Variants in ARHGAP5 observed in about 807,000 individuals in gnomAD.
ARHGAP5 encodes Rho GTPase activating protein 5.
ARHGAP5 carries 23 observed loss-of-function variants against 116.6 expected under a neutral mutation model. The observed-to-expected ratio is 0.20, with a 90% CI of 0.14 to 0.28. ARHGAP5 has a LOEUF of 0.28. Ranked by LOEUF, ARHGAP5 falls within the 10% of genes least tolerant of loss-of-function variation. The pLI is 1.00. For synonymous variants in ARHGAP5, 574 were observed against 602.0 expected (o/e 0.95, Z 0.68); for missense variants, 1,405 against 1,774.8 (o/e 0.79, Z 3.74).
At chr14:32,107,839 A>G (rs1246586050) in intron 2 of ARHGAP5, among the ~76,000 whole-genome samples, 1 of 152,240 alleles carries the variant, frequency 6.6e-6, no homozygotes, top group Non-Finnish European at 1.5e-5. Flanking sequence ...AAGAGTTATC[A>G]GGATGTATAA....
rs1878302099 is a variant in ARHGAP5, at chr14:32,092,427, A to G, written c.1758A>G (p.Leu586=). The change falls in exon 2 of 7, where the codon TTA becomes TTG. Residue 586 remains leucine, a synonymous_variant. Transcript: ENST00000345122. The surrounding 1 kb of genome is among the most constrained non-coding windows in gnomAD (Gnocchi z 4.1). ...AGTTGGATCATGGCCGCTTAAGATT[A>G]TATCACGATAGTACCAATATAGATA... ...LLQLDHGRLR[L]YHDSTNIDKV... The G allele has an allele frequency of 6.2e-7, 1 of 1,613,534 alleles. No individual in the cohort carries two copies. The highest frequency in any genetic ancestry group is 1.3e-5 in the African/African-American group (1 of 74,898).
chr14:32,093,270 A>C lies in ARHGAP5; in HGVS notation c.2601A>C (p.Arg867=). 1 of 1,613,682 alleles carries C rather than the reference A, an allele frequency of 6.2e-7. No individual in the cohort carries two copies. Among genetic ancestry groups the C allele is most frequent in the South Asian group, 1.1e-5 (1 of 90,970 alleles). Residue 867 remains arginine (R), a synonymous_variant, in exon 2 of 7, where the codon CGA becomes CGC. Transcript: ENST00000345122. ...GGAAAGCTTCGATGGGAATGCTTCG[A>C]GCATTTCTATCAGAAGTTCAAGACA... ...AKRKASMGML[R]AFLSEVQDTI... is the part of the protein sequence containing the mutation.
intron 2 of ARHGAP5, among the ~76,000 whole-genome samples, chr14:32,103,001 C>G (rs1878858526): frequency 6.6e-6 from 1 of 152,178 alleles, no homozygotes; most frequent in Non-Finnish European, 1.5e-5. Context: ...AGCCAGACTT[C>G]TGGTTCTTTC....
rs866413938 is a variant in ARHGAP5, at chr14:32,123,298, T to C, written c.3865+6011T>C. 1.8e-4 allele frequency among the ~76,000 whole-genome samples: 27 copies of C among 152,168 alleles called. No individual in the cohort carries two copies. The Middle Eastern group carries it at 0.01, about 58-fold the overall frequency. On this transcript the variant is annotated intron_variant, in intron 3 of 6. Coordinates refer to ENST00000345122, the MANE Select transcript of ARHGAP5 (RefSeq NM_001030055.2). ...GGGGCCATTATTTCTTGAAGTATTT[T>C]TATCTCTTCTTCCATTTCCCACTCC...
intron 3 of ARHGAP5, among the ~76,000 whole-genome samples, chr14:32,136,148 CAT>C (rs1292283825): frequency 6.6e-6 from 1 of 152,120 alleles, no homozygotes; most frequent in African/African-American, 2.4e-5. Context: ...ATTTATATAA[CAT>C]AAGGTTAACC....
chr14:32,114,735 G>T (rs1879468345), intron 2 of ARHGAP5, among the ~76,000 whole-genome samples: 1 of 152,092 alleles, frequency 6.6e-6, no homozygotes, highest in Non-Finnish European at 1.5e-5. Context: ...GAAATTGAAA[G>T]GATTTAATTA....
In ARHGAP5 at chr14:32,117,122, AAAT is replaced by A; in HGVS notation, c.3718-16_3718-14del. On this transcript the variant is annotated splice_polypyrimidine_tract_variant and intron_variant, in intron 2 of 6. Coordinates refer to ENST00000345122, the MANE Select transcript of ARHGAP5 (RefSeq NM_001030055.2). ...AAATTAATTTTAATAGTGTTAACTT[AAAT>A]ATGTTTTCTTATAGCAGAAAAAGAA... The A allele has an allele frequency of 2.6e-6, 4 of 1,567,012 alleles. No individual in the cohort carries two copies.
intron 2 of ARHGAP5, among the ~76,000 whole-genome samples, chr14:32,108,118 G>T (rs768966974): frequency 6.6e-6 from 1 of 152,154 alleles, no homozygotes; most frequent in Non-Finnish European, 1.5e-5. Context: ...GTATCTGGTC[G>T]TGACAAGCGG....
rs917422394 is a variant in ARHGAP5, at chr14:32,152,305, T to C, written c.4076-118T>C. 88 of 715,798 alleles carry C rather than the reference T, an allele frequency of 1.2e-4. 2 individuals are homozygous for C. The highest frequency in any genetic ancestry group is 2.1e-5 in the Non-Finnish European group (9 of 433,546). 44.3% of individuals were successfully genotyped at this position (715,798 alleles called of 1,614,324 possible). On this transcript the variant is annotated intron_variant, in intron 5 of 6. Transcript: ENST00000345122. Reference sequence around the variant, plus strand: ...AACATTTTCTTTGATTTTGTTTACCTATCCTAATATGCTTTAAACACATTC... The same window carrying C: ...AACATTTTCTTTGATTTTGTTTACCCATCCTAATATGCTTTAAACACATTC...
At chr14:32,129,858 G>T (rs1228669788) in intron 3 of ARHGAP5, among the ~76,000 whole-genome samples, 1 of 152,086 alleles carries the variant, frequency 6.6e-6, no homozygotes, top group Non-Finnish European at 1.5e-5. Flanking sequence ...AACCAGAACA[G>T]GGGATATCAT....
intron 3 of ARHGAP5, among the ~76,000 whole-genome samples, chr14:32,139,563 A>T (rs1264234652): frequency 1.3e-5 from 2 of 151,822 alleles, no homozygotes; most frequent in Non-Finnish European, 2.9e-5. Flanking sequence ...GTCTACTTTC[A>T]TTTCTGATTT....
Position 32,157,632 on chromosome 14 carries a change from T to C in ARHGAP5, c.*2684T>C, listed in dbSNP as rs1302405743. On this transcript the variant is annotated 3_prime_UTR_variant, in exon 7 of 7. Transcript: ENST00000345122. ...TATTCAACAGACACTTATTAGGATA[T>C]ACAACTAATTTAAGAATAAAATTCC... 4 of 152,084 alleles carry C rather than the reference T, an allele frequency of 2.6e-5. No individual in the cohort carries two copies. Among genetic ancestry groups the C allele is most frequent in the African/African-American group, 7.2e-5 (3 of 41,442 alleles). The allele number at this position is 152,084 out of a possible 1,614,324, so 9.4% of individuals were successfully genotyped here.
Position 32,127,277 on chromosome 14 carries a change from A to G in ARHGAP5, c.3865+9990A>G, listed in dbSNP as rs147272907. 6.7e-3 allele frequency among the ~76,000 whole-genome samples: 1,018 copies of G among 152,148 alleles called. 8 individuals carry two copies. The highest frequency in any genetic ancestry group is 0.023 in the African/African-American group (973 of 41,472). On this transcript the variant is annotated intron_variant, in intron 3 of 6. Coordinates refer to ENST00000345122, the MANE Select transcript of ARHGAP5 (RefSeq NM_001030055.2). ...GTGGAGAGAAGGTCAGCAGATAAAC[A>G]TGTGAACAAAGGTCTCTGGTTTTTC...
intron 1 of ARHGAP5, among the ~76,000 whole-genome samples, chr14:32,087,996 AC>A (rs931917661): frequency 1.5e-4 from 23 of 151,862 alleles, no homozygotes; most frequent in Non-Finnish European, 7.4e-5. Context: ...TGTTTCTGAA[AC>A]CTTAAAAATA....
Position 32,093,095 on chromosome 14 carries a change from A to C in ARHGAP5, c.2426A>C (p.Gln809Pro), listed in dbSNP as rs1441215559. ...FLDSHSCSAA[Q>P]AGQNNSLMLD... The stretch of plus-strand genomic sequence containing the variant: ...GATTCTCATTCTTGCAGTGCTGCTC[A>C]AGCTGGACAGAATAATTCCCTAATG... The change falls in exon 2 of 7, where the codon CAA (glutamine) becomes CCA (proline). Residue 809 changes from glutamine to proline, a missense_variant. Physicochemically the swap from Gln to Pro is moderately conservative, Grantham distance 76. Transcript: ENST00000345122. The C allele has an allele frequency of 6.2e-7, 1 of 1,613,842 alleles. No homozygotes were observed. Among genetic ancestry groups the C allele is most frequent in the Admixed American group, 1.7e-5 (1 of 59,982 alleles).
At chr14:32,148,164 A>ATCTATCTG (rs1555359600) in intron 4 of ARHGAP5, among the ~76,000 whole-genome samples, 2 of 13,302 alleles carry the variant, frequency 1.5e-4, no homozygotes, top group Admixed American at 2.5e-3. Context: ...AAAAAAAGAA[A>ATCTATCTG]TCTATCTATC....
chr14:32,098,871 C>T (rs1878656615), intron 2 of ARHGAP5, among the ~76,000 whole-genome samples: 1 of 152,104 alleles, frequency 6.6e-6, no homozygotes, highest in Non-Finnish European at 1.5e-5. Context: ...TGTTATTTAG[C>T]CTAAGAGTAA....
intron 3 of ARHGAP5, among the ~76,000 whole-genome samples, chr14:32,138,169 A>G (rs551588687): frequency 5.7e-4 from 87 of 152,042 alleles, no homozygotes; most frequent in Middle Eastern, 3.4e-3. Flanking sequence ...TCTTGATTTC[A>G]TCTTCAGATT....
At chr14:32,120,118 C>T (rs1879808252) in intron 3 of ARHGAP5, among the ~76,000 whole-genome samples, 4 of 151,918 alleles carry the variant, frequency 2.6e-5, no homozygotes. Flanking sequence ...ATTTAAGTTT[C>T]TTTAGTAGAT....
Sources: gnomAD v4.1 joint callset for allele counts (sites outside exome capture counted in the v4.1 genomes callset) on GRCh38, gnomAD v4.1.1 for gene constraint, Gnocchi (gnomAD v3.1) non-coding constraint, MANE v1.5 for transcripts, NCBI Gene and HGNC (gene_info 2026-07-23, HGNC 2026-07-21) for gene names.